OR52N5: variants seen among roughly 807,000 people sequenced by gnomAD.
The protein encoded by OR52N5 is olfactory receptor 52N5.
OR52N5 carries 10 observed loss-of-function variants against 14.1 expected under a neutral mutation model. The observed-to-expected ratio is 0.71, with a 90% CI of 0.44 to 1.20. The LOEUF (loss-of-function observed/expected upper bound fraction) is 1.20. Among genes scored for constraint, OR52N5 ranks in the 50% most tolerant of loss-of-function variants. The pLI is 0.00. For missense variants in OR52N5, 361 were observed against 403.2 expected (o/e 0.90, Z 0.90); for synonymous variants, 116 against 143.0 (o/e 0.81, Z 1.35).
Position 5,779,148 on chromosome 11 carries a change from T to C in OR52N5, c.-23-491A>G, listed in dbSNP as rs1428416638. Among the ~76,000 whole-genome samples the C allele has an allele frequency of 3.6e-5, 5 of 140,022 alleles. 2 individuals carry two copies. The highest frequency in any genetic ancestry group is 1.5e-4 in the Admixed American group (2 of 13,546). 91.9% of individuals were successfully genotyped at this position (140,022 alleles called of 152,430 possible). Reference sequence around the variant, plus strand: ...TCTACCAAATAGCACATTATTCATATTTCAGTTTTTTCTATACTAACTGTG... The same window carrying C: ...TCTACCAAATAGCACATTATTCATACTTCAGTTTTTTCTATACTAACTGTG... On this transcript the variant is annotated intron_variant, in intron 2 of 2. Coordinates refer to ENST00000641181, the MANE Select transcript of OR52N5 (RefSeq NM_001385662.1).
intron 2 of OR52N5, among the ~76,000 whole-genome samples, chr11:5,781,173 T>C (rs10769213): frequency 0.91 from 125,354 of 138,406 alleles, 58,965 homozygotes; most frequent in Middle Eastern, 0.97. Context: ...TGGACTAACA[T>C]GTAGTAGTTC....
In OR52N5 at chr11:5,780,741, C is replaced by G. The variant is rs1464916795; in HGVS notation, c.-24+792G>C. Reference sequence around the variant, plus strand: ...CAGAAAAGAAAGCCCAGAAAAAAGCCCATATATCTACAGCCAAAAAATTTT... The same window carrying G: ...CAGAAAAGAAAGCCCAGAAAAAAGCGCATATATCTACAGCCAAAAAATTTT... On this transcript the variant is annotated intron_variant, in intron 2 of 2. Transcript: ENST00000641181. 1.4e-5 allele frequency among the ~76,000 whole-genome samples: 2 copies of G among 138,712 alleles called. 1 individual carries two copies. Among genetic ancestry groups the G allele is most frequent in the African/African-American group, 5.3e-5 (2 of 37,904 alleles). The allele number at this position is 138,712 out of a possible 152,430, so 91.0% of individuals were successfully genotyped here. A position where few individuals can be genotyped will look rare whatever the true frequency, so the allele number is the denominator to read the frequency against.
chr11:5,777,654 C>T lies in OR52N5; in HGVS notation c.*6G>A. 2.1e-6 allele frequency: 3 copies of T among 1,415,916 alleles called. No homozygotes were observed. Among genetic ancestry groups the T allele is most frequent in the South Asian group, 1.5e-5 (1 of 68,222 alleles). The allele number at this position is 1,415,916 out of a possible 1,614,324, so 87.7% of individuals were successfully genotyped here. On this transcript the variant is annotated 3_prime_UTR_variant, in exon 3 of 3. Coordinates refer to ENST00000641181, the MANE Select transcript of OR52N5 (RefSeq NM_001385662.1). ...CTTTCTTCCATCTGAATTAAGTTGC[C>T]TTGAATCAACCTGCACCCTTATCAC...
At chr11:5,782,788 A>G (rs1854558634) in intron 1 of OR52N5, among the ~76,000 whole-genome samples, 1 of 139,038 alleles carries the variant, frequency 7.2e-6, no homozygotes, top group African/African-American at 2.6e-5. Context: ...TATCCCATGA[A>G]AAAGGACAGT....
intron 1 of OR52N5, among the ~76,000 whole-genome samples, chr11:5,782,404 A>G (rs1271217690): frequency 7.1e-6 from 1 of 140,026 alleles, no homozygotes; most frequent in Non-Finnish European, 1.6e-5. Context: ...TTGATTGTCT[A>G]TATTTACCTG....
In OR52N5 at chr11:5,778,544, C is replaced by G. The variant is rs749693490; in HGVS notation, c.91G>C (p.Val31Leu). Residue 31 changes from valine to leucine, a missense_variant, in exon 3 of 3, where the codon GTA becomes CTA. Transcript: ENST00000641181. ...ILNGIPGLER[V>L]HVWISLPLCT... ...AGTGGGAGGGAGATCCATACATGTA[C>G]TCTTTCCAGACCAGGTATTCCATTA... 6.6e-7 allele frequency: 1 copy of G among 1,509,686 alleles called. No homozygotes were observed. The allele number at this position is 1,509,686 out of a possible 1,614,324, so 93.5% of individuals were successfully genotyped here.
Position 5,776,745 on chromosome 11 carries a change from T to G in OR52N5, c.*915A>C, listed in dbSNP as rs541554146. The stretch of plus-strand genomic sequence containing the variant: ...GCAAATTACAGAATTTCATCATTTT[T>G]TATGATGCCACATTTTCTTTATCCA... On this transcript the variant is annotated 3_prime_UTR_variant, in exon 3 of 3. Coordinates refer to ENST00000641181, the MANE Select transcript of OR52N5 (RefSeq NM_001385662.1). 7.1e-6 allele frequency: 1 copy of G among 140,952 alleles called. No individual in the cohort carries two copies. The highest frequency in any genetic ancestry group is 2.6e-5 in the African/African-American group (1 of 38,700). 8.7% of individuals were successfully genotyped at this position (140,952 alleles called of 1,614,324 possible).
intron 1 of OR52N5, among the ~76,000 whole-genome samples, chr11:5,782,060 C>T (rs1446086727): frequency 1.4e-5 from 2 of 140,142 alleles, no homozygotes; most frequent in Non-Finnish European, 3.2e-5. Flanking sequence ...TTCTCTTATG[C>T]TATTTTATCT....
chr11:5,781,512 T>C (rs1854548681), intron 2 of OR52N5, 21 bp downstream of exon 2: 1 of 140,554 alleles, frequency 7.1e-6, no homozygotes, highest in South Asian at 2.3e-4. Flanking sequence ...GCATTTGAGG[T>C]ATAATAATAA....
chr11:5,777,817 A>T lies in OR52N5; in HGVS notation c.818T>A (p.Phe273Tyr). Residue 273 changes from phenylalanine to tyrosine, a missense_variant, in exon 3 of 3, where the codon TTT becomes TAT. Phe to Tyr is a conservative substitution (Grantham distance 22). Coordinates refer to ENST00000641181, the MANE Select transcript of OR52N5 (RefSeq NM_001385662.1). The part of the protein sequence containing the change: ...PAFFTFFAHR[F>Y]GGHTIPPSLH... ...AGAAGGGGGAATTGTGTGTCCCCCA[A>T]AACGGTGGGCAAAGAAAGTGAAGAA... The T allele has an allele frequency of 6.6e-7, 1 of 1,520,828 alleles. No individual in the cohort carries two copies. The highest frequency in any genetic ancestry group is 9.0e-7 in the Non-Finnish European group (1 of 1,114,300). 94.2% of individuals were successfully genotyped at this position (1,520,828 alleles called of 1,614,324 possible). A position where few individuals can be genotyped will look rare whatever the true frequency, so the allele number is the denominator to read the frequency against.
In OR52N5 at chr11:5,781,610, T is replaced by C. The variant is rs1727152923; in HGVS notation, c.-101A>G. On this transcript the variant is annotated 5_prime_UTR_variant, in exon 2 of 3. The change abolishes an upstream ATG in the 5' untranslated region. Coordinates refer to ENST00000641181, the MANE Select transcript of OR52N5 (RefSeq NM_001385662.1). Reference sequence around the variant, plus strand: ...CCATCCTTGATGACAATGAGTTCCATTACCTGATGTAGATGTCCACGCCTC... The same window carrying C: ...CCATCCTTGATGACAATGAGTTCCACTACCTGATGTAGATGTCCACGCCTC... 1 of 140,402 alleles carries C rather than the reference T, an allele frequency of 7.1e-6. No individual in the cohort carries two copies. Among genetic ancestry groups the C allele is most frequent in the Non-Finnish European group, 1.6e-5 (1 of 63,458 alleles). 8.7% of individuals were successfully genotyped at this position (140,402 alleles called of 1,614,324 possible).
chr11:5,782,427 G>T (rs1235593336), intron 1 of OR52N5, among the ~76,000 whole-genome samples: 2 of 139,372 alleles, frequency 1.4e-5, no homozygotes, highest in Non-Finnish European at 3.2e-5. Flanking sequence ...TAATATATTT[G>T]CTTAATATTT....
chr11:5,780,612 A>C lies in OR52N5; in HGVS notation c.-24+921T>G, dbSNP rs1253948603. On this transcript the variant is annotated intron_variant, in intron 2 of 2. Coordinates refer to ENST00000641181, the MANE Select transcript of OR52N5 (RefSeq NM_001385662.1). ...TACAACTGATACAACAGACATACAAAGGTTCATAAGAGACTACTATGAACA... is the reference window on the plus strand; with the variant it reads ...TACAACTGATACAACAGACATACAACGGTTCATAAGAGACTACTATGAACA... Among the ~76,000 whole-genome samples, 2 of 139,706 alleles carry C rather than the reference A, an allele frequency of 1.4e-5. 1 individual carries two copies. The highest frequency in any genetic ancestry group is 4.1e-4 in the East Asian group (2 of 4,864). 91.7% of individuals were successfully genotyped at this position (139,706 alleles called of 152,430 possible). A position where few individuals can be genotyped will look rare whatever the true frequency, so the allele number is the denominator to read the frequency against.
Position 5,778,369 on chromosome 11 carries a change from T to C in OR52N5, c.266A>G (p.Asn89Ser), listed in dbSNP as rs773763349. 45 of 1,519,302 alleles carry C rather than the reference T, an allele frequency of 3.0e-5. 8 individuals carry two copies. Among genetic ancestry groups the C allele is most frequent in the South Asian group, 2.6e-4 (22 of 85,746 alleles). 94.1% of individuals were successfully genotyped at this position (1,519,302 alleles called of 1,614,324 possible). The change falls in exon 3 of 3, where the codon AAT becomes AGT. Residue 89 changes from asparagine (N) to serine (S), a missense_variant. Transcript: ENST00000641181. ...ACTGAACCAGAAGATGCAGAGTGCA[T>C]TGGGTAGAGTGGTGGTGCAGGTAAG... ...DLLTCTTTLP[N>S]ALCIFWFSLK...
In OR52N5 at chr11:5,777,924, G is replaced by A. The variant is rs1323446159; in HGVS notation, c.711C>T (p.Leu237=). The A allele has an allele frequency of 3.9e-6, 6 of 1,521,630 alleles. No individual in the cohort carries two copies. Among genetic ancestry groups the A allele is most frequent in the Non-Finnish European group, 2.7e-6 (3 of 1,114,800 alleles). The allele number at this position is 1,521,630 out of a possible 1,614,324, so 94.3% of individuals were successfully genotyped here. A position where few individuals can be genotyped will look rare whatever the true frequency, so the allele number is the denominator to read the frequency against. ...YTLILKAAIS[L]SSSDARQKAF... ...CCTTCTGCCGAGCATCTGATGAAGA[G>A]AGGCTGATCGCTGCCTTGAGGATCA... The change falls in exon 3 of 3, where the codon CTC becomes CTT. Residue 237 remains leucine (L), a synonymous_variant. Transcript: ENST00000641181.
In OR52N5 at chr11:5,777,939, C is replaced by T. The variant is rs1169164868; in HGVS notation, c.696G>A (p.Lys232=). 8 of 1,521,464 alleles carry T rather than the reference C, an allele frequency of 5.3e-6. 2 individuals are homozygous for T. The highest frequency in any genetic ancestry group is 7.2e-6 in the Non-Finnish European group (8 of 1,114,744). The allele number at this position is 1,521,464 out of a possible 1,614,324, so 94.2% of individuals were successfully genotyped here. A position where few individuals can be genotyped will look rare whatever the true frequency, so the allele number is the denominator to read the frequency against. ...CTGATGAAGAGAGGCTGATCGCTGCCTTGAGGATCAAAGTGTAAGACAAAG... is the reference window on the plus strand; with the variant it reads ...CTGATGAAGAGAGGCTGATCGCTGCTTTGAGGATCAAAGTGTAAGACAAAG... ...CISLSYTLIL[K]AAISLSSSDA... Residue 232 remains lysine, a synonymous_variant, in exon 3 of 3, where the codon AAG becomes AAA. Transcript: ENST00000641181.
rs1186902555 is a variant in OR52N5, at chr11:5,778,297, A to G, written c.338T>C (p.Val113Ala). The G allele has an allele frequency of 2.1e-5, 32 of 1,521,222 alleles. 4 individuals are homozygous for G. Among genetic ancestry groups the G allele is most frequent in the South Asian group, 7.0e-5 (6 of 85,858 alleles). 94.2% of individuals were successfully genotyped at this position (1,521,222 alleles called of 1,614,324 possible). A position where few individuals can be genotyped will look rare whatever the true frequency, so the allele number is the denominator to read the frequency against. The change falls in exon 3 of 3, where the codon GTT becomes GCT. Residue 113 changes from valine (V) to alanine (A), a missense_variant. Val to Ala is a moderately conservative substitution (Grantham distance 64). Transcript: ENST00000641181. ...FNACLAQMFF[V>A]HGFTGVESGV... The stretch of plus-strand genomic sequence containing the variant: ...AGACTCCACACCTGTGAACCCATGA[A>G]CAAAGAACATCTGGGCCAAGCAAGC...
At chr11:5,781,273 C>A (rs751683235) in intron 2 of OR52N5, among the ~76,000 whole-genome samples, 4 of 139,872 alleles carry the variant, frequency 2.9e-5, no homozygotes, top group Non-Finnish European at 6.3e-5. Flanking sequence ...ATGTTTCTAG[C>A]ATGTGACCTC....
intron 2 of OR52N5, among the ~76,000 whole-genome samples, chr11:5,781,226 C>T (rs1854547054): frequency 7.2e-6 from 1 of 139,694 alleles, no homozygotes; most frequent in Non-Finnish European, 1.6e-5. Context: ...ATTTGTTTTC[C>T]TATTTCTTTG....
Sources: allele counts gnomAD v4.1 joint callset (sites outside exome capture counted in the v4.1 genomes callset), GRCh38; gene constraint gnomAD v4.1.1; transcripts MANE v1.5; gene names NCBI Gene and HGNC (gene_info 2026-07-23, HGNC 2026-07-21).